Variants in MGAT4C observed in about 807,000 individuals in gnomAD.
MGAT4C encodes alpha-1,3-mannosyl-glycoprotein 4-beta-N-acetylglucosaminyltransferase C.
A neutral mutation model predicts 40.1 loss-of-function variants in MGAT4C; 19 were observed. That is an observed-to-expected ratio of 0.47 (90% CI 0.33 to 0.70). The LOEUF (loss-of-function observed/expected upper bound fraction) is 0.70, where lower values mean the gene tolerates loss of function less well. Ranked by LOEUF, MGAT4C falls within the 30% of genes least tolerant of loss-of-function variation. The probability of loss-of-function intolerance (pLI) is 0.02; values close to 1 mark genes in which losing one functional copy is unlikely to be tolerated. For synonymous variants in MGAT4C, 181 were observed against 187.1 expected (o/e 0.97, Z 0.27); for missense variants, 491 against 563.2 (o/e 0.87, Z 1.30).
intron 1 of MGAT4C, among the ~76,000 whole-genome samples, chr12:86,764,314 G>C (rs1951460585): frequency 6.6e-6 from 1 of 152,122 alleles, no homozygotes; most frequent in Non-Finnish European, 1.5e-5. Context: ...CTGGGGGAGG[G>C]GTGCCCGCCA....
At chr12:86,716,558 T>G (rs1950647542) in intron 2 of MGAT4C, among the ~76,000 whole-genome samples, 2 of 152,136 alleles carry the variant, frequency 1.3e-5, no homozygotes, top group Admixed American at 1.3e-4. Flanking sequence ...TCCTTTCCCT[T>G]CTGAAAAATG....
chr12:86,375,685 A>T (rs942946989), intron 3 of MGAT4C, among the ~76,000 whole-genome samples: 1 of 152,046 alleles, frequency 6.6e-6, no homozygotes, highest in African/African-American at 2.4e-5. Context: ...TAATTTTTAG[A>T]AGTTAAACTA....
intron 1 of MGAT4C, among the ~76,000 whole-genome samples, chr12:86,778,385 C>T (rs985210089): frequency 3.3e-4 from 51 of 152,280 alleles, no homozygotes; most frequent in African/African-American, 1.2e-3. Flanking sequence ...CAAGTACACA[C>T]TTCTTTGAGA....
intron 2 of MGAT4C, among the ~76,000 whole-genome samples, chr12:86,693,395 G>A (rs942640110): frequency 1.3e-5 from 2 of 152,082 alleles, no homozygotes; most frequent in Non-Finnish European, 2.9e-5. Context: ...AAACAAATGA[G>A]GGTGGAAAAT....
intron 3 of MGAT4C, among the ~76,000 whole-genome samples, chr12:86,349,475 A>C (rs1449211270): frequency 6.6e-6 from 1 of 152,096 alleles, no homozygotes. Flanking sequence ...TATCTTCCTC[A>C]CTGTAGCAAT....
chr12:86,783,047 C>A (rs1362970662), intron 1 of MGAT4C, among the ~76,000 whole-genome samples: 1 of 152,146 alleles, frequency 6.6e-6, no homozygotes, highest in Non-Finnish European at 1.5e-5. Context: ...CTCATAGCTT[C>A]ATTACACCCT....
At chr12:86,144,691 G>T (rs1324433607) in intron 1 of MGAT4C, among the ~76,000 whole-genome samples, 1 of 152,004 alleles carries the variant, frequency 6.6e-6, no homozygotes, top group Non-Finnish European at 1.5e-5. Context: ...GTACGTTATA[G>T]GCTAAAGTAG....
rs1471987397 is a variant in MGAT4C, at chr12:85,969,482, G to GT, written c.*9806dup. ...CTTTTAGTGTACCCAGAGCCCATGA[G>GT]TTTTTATTTTCTTTTTGGAATAACA... On this transcript the variant is annotated 3_prime_UTR_variant, in exon 5 of 5. Transcript: ENST00000611864. 1 of 151,480 alleles carries GT rather than the reference G, an allele frequency of 6.6e-6. No homozygotes were observed. Among genetic ancestry groups the GT allele is most frequent in the African/African-American group, 2.4e-5 (1 of 41,330 alleles). 9.4% of individuals were successfully genotyped at this position (151,480 alleles called of 1,614,324 possible).
At chr12:86,568,425 G>A (rs956662083) in intron 2 of MGAT4C, among the ~76,000 whole-genome samples, 6 of 151,756 alleles carry the variant, frequency 4.0e-5, no homozygotes, top group African/African-American at 1.2e-4. Context: ...TGCCCTGTTC[G>A]ATTCCCTACT....
rs1210086176 is a variant in MGAT4C at position 85,971,251 on chromosome 12, C to T, written c.*8038G>A. ...AACTAATTTTAGTAGTGCATCAGAT[C>T]AACACTATTGGGCACCCAGTTATTT... On this transcript the variant is annotated 3_prime_UTR_variant, in exon 5 of 5. Transcript: ENST00000611864. 6.6e-6 allele frequency: 1 copy of T among 151,100 alleles called. No individual in the cohort carries two copies. The highest frequency in any genetic ancestry group is 1.5e-5 in the Non-Finnish European group (1 of 67,374). 9.4% of individuals were successfully genotyped at this position (151,100 alleles called of 1,614,324 possible). A position where few individuals can be genotyped will look rare whatever the true frequency, so the allele number is the denominator to read the frequency against.
intron 1 of MGAT4C, among the ~76,000 whole-genome samples, chr12:86,769,667 A>G (rs1951591743): frequency 6.6e-6 from 1 of 152,154 alleles, no homozygotes; most frequent in African/African-American, 2.4e-5. Context: ...CATATACACC[A>G]TGGAATACTA....
At chr12:86,163,103 G>A (rs915681528) in intron 1 of MGAT4C, among the ~76,000 whole-genome samples, 4 of 151,952 alleles carry the variant, frequency 2.6e-5, no homozygotes, top group Non-Finnish European at 5.9e-5. Context: ...GAGTAAAATC[G>A]CTACAGTCAG....
chr12:86,099,688 T>G lies in MGAT4C; in HGVS notation c.-56-49965A>C, dbSNP rs117440990. Among the ~76,000 whole-genome samples, 768 of 151,526 alleles carry G rather than the reference T, an allele frequency of 5.1e-3. 4 individuals carry two copies. The highest frequency in any genetic ancestry group is 0.01 in the Middle Eastern group (3 of 294). The stretch of plus-strand genomic sequence containing the variant: ...AAGGAAATTTCCCTTTGAATTTTTA[T>G]AGTGTGTATATTTGTTGTTTATTTT... On this transcript the variant is annotated intron_variant, in intron 1 of 4. Transcript: ENST00000611864.
intron 3 of MGAT4C, among the ~76,000 whole-genome samples, chr12:86,431,232 G>A (rs1183344460): frequency 6.6e-6 from 1 of 151,024 alleles, no homozygotes; most frequent in South Asian, 2.1e-4. Flanking sequence ...ACAGCTAGCA[G>A]GAACACAGTG....
At chr12:86,192,762 C>A (rs1383809449) in intron 1 of MGAT4C, among the ~76,000 whole-genome samples, 1 of 152,094 alleles carries the variant, frequency 6.6e-6, no homozygotes, top group Admixed American at 6.6e-5. Flanking sequence ...TTTCTATCAA[C>A]AAGTAAATGA....
chr12:86,341,258 C>A (rs186820644), intron 3 of MGAT4C, among the ~76,000 whole-genome samples: 95 of 152,232 alleles, frequency 6.2e-4, no homozygotes, highest in African/African-American at 2.2e-3. Flanking sequence ...CTATGCTTCT[C>A]CCACAGATAT....
At chr12:86,240,030 AAAAAAAAAT>A (rs1348637563) in intron 1 of MGAT4C, among the ~76,000 whole-genome samples, 8 of 67,522 alleles carry the variant, frequency 1.2e-4, no homozygotes, top group Admixed American at 5.3e-4. Flanking sequence ...GTATAATAAA[AAAAAAAAAT>A]AAAAAATAAA....
intron 1 of MGAT4C, among the ~76,000 whole-genome samples, chr12:86,060,074 A>G (rs999577176): frequency 5.3e-5 from 8 of 152,194 alleles, no homozygotes; most frequent in African/African-American, 1.9e-4. Flanking sequence ...AGTTAGGTAT[A>G]ATATGAAATG....
rs12296925 is a variant in MGAT4C at position 86,426,864 on chromosome 12, G to A, written c.-120+8293C>T. Among the ~76,000 whole-genome samples, 1,245 of 152,070 alleles carry A rather than the reference G, an allele frequency of 8.2e-3. 24 individuals are homozygous for A. The highest frequency in any genetic ancestry group is 0.029 in the African/African-American group (1,191 of 41,486). On this transcript the variant is annotated intron_variant, in intron 3 of 7. Transcript: ENST00000548651. ...CGGGAGGCTGAGGCAGGAGAATGGC[G>A]TGAACCCGGGAGGCAGAGCTTGCAG...
Sources: allele counts gnomAD v4.1 joint callset (sites outside exome capture counted in the v4.1 genomes callset), GRCh38; gene constraint gnomAD v4.1.1; transcripts MANE v1.5; gene names NCBI Gene and HGNC (gene_info 2026-07-23, HGNC 2026-07-21).